The following SORCS3 variants were observed in gnomAD, a reference collection of about 807,000 sequenced individuals.
The protein encoded by SORCS3 is VPS10 domain-containing receptor SorCS3.
SORCS3 carries 57 observed loss-of-function variants against 146.3 expected under a neutral mutation model. That is an observed-to-expected ratio of 0.39 (90% CI 0.31 to 0.49). SORCS3 has a LOEUF of 0.49. SORCS3 is among the 20% of genes least tolerant of loss of function. The pLI is 0.92. For missense variants in SORCS3, 1,341 were observed against 1,575.5 expected (o/e 0.85, Z 2.52); for synonymous variants, 653 against 618.5 (o/e 1.06, Z -0.83).
intron 1 of SORCS3, among the ~76,000 whole-genome samples, chr10:104,746,353 G>A (rs923248237): frequency 1.3e-5 from 2 of 152,088 alleles, no homozygotes; most frequent in Admixed American, 6.6e-5. Flanking sequence ...AGCCAGGATG[G>A]TCTCGATCTC....
At chr10:105,145,923 T>C (rs1226201598) in intron 8 of SORCS3, among the ~76,000 whole-genome samples, 1 of 152,114 alleles carries the variant, frequency 6.6e-6, no homozygotes, top group Non-Finnish European at 1.5e-5. Context: ...ATAAATCATC[T>C]TGGAGGAGCT....
intron 1 of SORCS3, chr10:104,822,187 G>A (rs1001389326): frequency 1.3e-5 from 6 of 471,614 alleles, no homozygotes; most frequent in Non-Finnish European, 2.1e-5. Context: ...CAGAACTGAG[G>A]CCTTAATTCC....
At chr10:104,728,468 G>T (rs1196304929) in intron 1 of SORCS3, among the ~76,000 whole-genome samples, 1 of 152,172 alleles carries the variant, frequency 6.6e-6, no homozygotes, top group Non-Finnish European at 1.5e-5. Flanking sequence ...GAGTTTGTGT[G>T]TGTCAGGGAT....
intron 2 of SORCS3, among the ~76,000 whole-genome samples, chr10:104,846,570 G>A (rs2018207364): frequency 6.6e-6 from 1 of 152,166 alleles, no homozygotes; most frequent in African/African-American, 2.4e-5. Context: ...TGCCTTACTG[G>A]ATTAATAATT....
At chr10:104,738,110 G>A (rs886389520) in intron 1 of SORCS3, among the ~76,000 whole-genome samples, 31 of 152,070 alleles carry the variant, frequency 2.0e-4, no homozygotes, top group Admixed American at 5.2e-4. Context: ...ATTTCTGAGC[G>A]CTCTGTTCTG....
At chr10:105,013,058 A>G (rs1200865222) in intron 4 of SORCS3, among the ~76,000 whole-genome samples, 1 of 152,218 alleles carries the variant, frequency 6.6e-6, no homozygotes, top group Non-Finnish European at 1.5e-5. Flanking sequence ...TTAATGTTAG[A>G]AAAATCTAAA....
intron 3 of SORCS3, among the ~76,000 whole-genome samples, chr10:104,948,402 G>C (rs1179883957): frequency 2.0e-5 from 3 of 152,220 alleles, no homozygotes; most frequent in Non-Finnish European, 4.4e-5. Context: ...TTAGAAGCCA[G>C]ATTTTAGAAA....
At chr10:104,687,182 CT>C (rs1463227132) in intron 1 of SORCS3, among the ~76,000 whole-genome samples, 1 of 152,244 alleles carries the variant, frequency 6.6e-6, no homozygotes, top group Non-Finnish European at 1.5e-5. Context: ...CTTACATCCC[CT>C]GTCCACCAAG....
intron 3 of SORCS3, among the ~76,000 whole-genome samples, chr10:104,962,352 T>C (rs993085845): frequency 6.6e-6 from 1 of 152,176 alleles, no homozygotes; most frequent in Non-Finnish European, 1.5e-5. Context: ...ACTAAATGCC[T>C]GAGATGCTGG....
intron 20 of SORCS3, among the ~76,000 whole-genome samples, chr10:105,227,056 G>T (rs184370546): frequency 1.3e-5 from 2 of 151,640 alleles, no homozygotes; most frequent in Admixed American, 6.6e-5. Context: ...ATTTTGTTTA[G>T]TTCTCCTCTG....
chr10:104,740,787 GA>G (rs1278159929), intron 1 of SORCS3, among the ~76,000 whole-genome samples: 12 of 152,170 alleles, frequency 7.9e-5, no homozygotes, highest in Admixed American at 7.9e-4. Context: ...TAATAATGTA[GA>G]AGGGGTGAGA....
intron 3 of SORCS3, among the ~76,000 whole-genome samples, chr10:104,921,634 C>G (rs1042979163): frequency 6.6e-6 from 1 of 151,932 alleles, no homozygotes; most frequent in African/African-American, 2.4e-5. Context: ...CCTTACTACA[C>G]TTTATTCTAA....
chr10:104,835,556 C>A (rs1393227096), intron 1 of SORCS3, among the ~76,000 whole-genome samples: 5 of 152,208 alleles, frequency 3.3e-5, no homozygotes, highest in Admixed American at 3.3e-4. Flanking sequence ...AATGTGCTCA[C>A]AGGCCAGAGC....
chr10:105,075,563 G>A (rs1031694079), intron 5 of SORCS3, among the ~76,000 whole-genome samples: 1 of 152,078 alleles, frequency 6.6e-6, no homozygotes, highest in Admixed American at 6.5e-5. Context: ...TTGCTGATGG[G>A]GAGTGACACC....
chr10:105,154,429 G>T (rs1267952042), intron 9 of SORCS3, among the ~76,000 whole-genome samples: 1 of 152,210 alleles, frequency 6.6e-6, no homozygotes, highest in Non-Finnish European at 1.5e-5. Flanking sequence ...CCGCCAAGGG[G>T]CCTGCTGTCA....
chr10:104,881,736 G>C (rs188815254), intron 2 of SORCS3, among the ~76,000 whole-genome samples: 33 of 152,204 alleles, frequency 2.2e-4, no homozygotes, highest in African/African-American at 7.7e-4. Context: ...AGTAACTTGC[G>C]TCAAAAACCA....
intron 1 of SORCS3, among the ~76,000 whole-genome samples, chr10:104,693,669 C>T (rs1447118001): frequency 6.6e-6 from 1 of 152,090 alleles, no homozygotes; most frequent in Non-Finnish European, 1.5e-5. Flanking sequence ...CTGTGTACCA[C>T]CACTCTCCAT....
chr10:104,984,673 T>C (rs2054951825), intron 4 of SORCS3, among the ~76,000 whole-genome samples: 1 of 152,134 alleles, frequency 6.6e-6, no homozygotes, highest in Non-Finnish European at 1.5e-5. Flanking sequence ...GCGACATAGG[T>C]ATATATTAAT....
chr10:104,834,569 AC>A (rs1225660730), intron 1 of SORCS3, among the ~76,000 whole-genome samples: 7 of 140,430 alleles, frequency 5.0e-5, no homozygotes, highest in Non-Finnish European at 7.7e-5. Context: ...CCCACCTGCC[AC>A]CCCCCCAGCC....
Sources: gnomAD v4.1 joint callset for allele counts (sites outside exome capture counted in the v4.1 genomes callset) on GRCh38, gnomAD v4.1.1 for gene constraint, MANE v1.5 for transcripts, NCBI Gene and HGNC (gene_info 2026-07-23, HGNC 2026-07-21) for gene names.